The following LZTS2 variants were observed in gnomAD, a reference collection of about 807,000 sequenced individuals.
LZTS2 encodes the protein leucine zipper tumor suppressor 2, also known as leucine zipper putative tumor suppressor 2.
LZTS2 carries 32 observed loss-of-function variants against 60.6 expected under a neutral mutation model. The observed-to-expected ratio is 0.53, with a 90% CI of 0.40 to 0.71. LZTS2 has a LOEUF of 0.71. Ranked by LOEUF, LZTS2 falls within the 30% of genes least tolerant of loss-of-function variation. The pLI is 0.00. For missense variants in LZTS2, 792 were observed against 901.9 expected (o/e 0.88, Z 1.56); for synonymous variants, 360 against 393.1 (o/e 0.92, Z 1.00).
chr10:101,002,829 A>C lies in LZTS2; in HGVS notation c.291A>C (p.Thr97=), dbSNP rs779162888. 4 of 1,613,768 alleles carry C rather than the reference A, an allele frequency of 2.5e-6. No individual in the cohort carries two copies. The African/African-American group carries it at 5.3e-5, about 22-fold the overall frequency. Residue 97 remains threonine, a synonymous_variant, in exon 1 of 4, where the codon ACA becomes ACC. Coordinates refer to ENST00000370220, the Ensembl canonical transcript of LZTS2. Reference sequence around the variant, plus strand: ...CCTACATCAATGAGGACTTCCGGACAGAGTCACCCCCCAGCCCAAGCAGTG... The same window carrying C: ...CCTACATCAATGAGGACTTCCGGACCGAGTCACCCCCCAGCCCAAGCAGTG...
upstream of LZTS2, chr10:100,997,087 C>G (rs572141466): frequency 6.5e-6 from 1 of 152,672 alleles, no homozygotes; most frequent in East Asian, 1.9e-4. Flanking sequence ...TCGGGCCAGG[C>G]GGGCGCCGGG....
At chr10:100,996,664 A>G (rs1005359449), upstream of LZTS2, 1 of 152,384 alleles carries the variant, frequency 6.6e-6, no homozygotes, top group Admixed American at 6.5e-5. Context: ...GGGCAGCCCC[A>G]CGCTGAGGTG....
exon 4 of LZTS2, chr10:101,007,466 A>T: frequency 6.9e-7 from 1 of 1,443,932 alleles, no homozygotes; most frequent in Non-Finnish European, 9.2e-7. Flanking sequence ...AGGCGCTTCC[A>T]GCCCACTCCA....
chr10:101,006,222 C>T (rs1852187974), intron 3 of LZTS2, among the ~76,000 whole-genome samples: 2 of 152,226 alleles, frequency 1.3e-5, no homozygotes, highest in Admixed American at 1.3e-4. Context: ...TCCCCAGTCC[C>T]CAGGGCTTGG....
upstream of LZTS2, chr10:100,998,390 T>A (rs1851957445): frequency 6.6e-6 from 1 of 152,602 alleles, no homozygotes; most frequent in African/African-American, 2.4e-5. Context: ...CAGTCTGTTC[T>A]TGTGAGGCTG....
At chr10:101,005,476 C>A in exon 3 of LZTS2, 1 of 1,569,068 alleles carries the variant, frequency 6.4e-7, no homozygotes, top group African/African-American at 1.3e-5. Context: ...GGAGCGGCAG[C>A]GGCACTGGCA....
chr10:101,006,572 G>A, exon 4 of LZTS2: 2 of 1,611,040 alleles, frequency 1.2e-6, no homozygotes, highest in Non-Finnish European at 1.7e-6. Flanking sequence ...CAGCGAGCTG[G>A]TGGCTCTGCG....
chr10:101,007,658 G>A, exon 4 of LZTS2: 2 of 1,112,322 alleles, frequency 1.8e-6, no homozygotes, highest in Non-Finnish European at 1.1e-6. Context: ...GAGTGAGGGG[G>A]CTGAAGTCAG....
At chr10:100,997,714 A>G (rs943621510), upstream of LZTS2, among the ~76,000 whole-genome samples, 2 of 152,216 alleles carry the variant, frequency 1.3e-5, no homozygotes, top group African/African-American at 4.8e-5. Context: ...TCCGCAGACC[A>G]GTGGCCTGTG....
intron 1 of LZTS2, 63 bp downstream of exon 2, chr10:101,003,009 A>G: frequency 6.6e-7 from 1 of 1,522,184 alleles, no homozygotes; most frequent in Non-Finnish European, 8.8e-7. Flanking sequence ...GGAAACTGGA[A>G]TTTAGAAGCT....
upstream of LZTS2, among the ~76,000 whole-genome samples, chr10:100,997,487 C>CAGTT (rs1476956017): frequency 6.6e-6 from 1 of 152,206 alleles, no homozygotes. Context: ...AGGACGCGCC[C>CAGTT]AGTTGGCCAC....
intron 1 of LZTS2, 85 bp from the exon 3 acceptor site, chr10:101,003,422 C>A: frequency 7.1e-7 from 1 of 1,408,914 alleles, no homozygotes; most frequent in African/African-American, 1.4e-5. Flanking sequence ...GCACTGGGGA[C>A]CCAAGACGGG....
At position 101,002,959 on chromosome 10, in the gene LZTS2, T is replaced by C; in HGVS notation, c.408+13T>C. 1.2e-6 allele frequency: 2 copies of C among 1,600,600 alleles called. No individual in the cohort carries two copies. The highest frequency in any genetic ancestry group is 2.2e-5 in the East Asian group (1 of 44,738). On this transcript the variant is annotated intron_variant, in intron 1 of 3. Coordinates refer to ENST00000370220, the Ensembl canonical transcript of LZTS2. ...AAAGCTGGAGAAGGTGAGGACCGGC[T>C]CTTCCTTGTGGGCCTGGGTAGAACG...
At position 101,007,099 on chromosome 10, in the gene LZTS2, C is replaced by A. The variant is rs778210265; in HGVS notation, c.1941C>A (p.Leu647=). 1.9e-6 allele frequency: 3 copies of A among 1,611,220 alleles called. No individual in the cohort carries two copies. The Admixed American group carries it at 5.0e-5, about 27-fold the overall frequency. ...GCCTGGAGCTGGAGGCCCGGGAGCT[C>A]GCTGACCTGGGCCTGGCCGAGCAGG... Residue 647 remains leucine, a synonymous_variant, in exon 4 of 4, where the codon CTC becomes CTA. Transcript: ENST00000370220.
At chr10:100,996,815 G>A (rs923952022), upstream of LZTS2, 3 of 152,320 alleles carry the variant, frequency 2.0e-5, no homozygotes, top group Non-Finnish European at 2.9e-5. Flanking sequence ...GAGGGTGGCA[G>A]AGTCAAGCTC....
In LZTS2 at chr10:101,003,388, G is replaced by A. The variant is rs551995858; in HGVS notation, c.409-119G>A. ...ACACTGGTGGCCACCTCCACCAGTG[G>A]CCGCAATTGTTATGAATATATGGGC... On this transcript the variant is annotated intron_variant, in intron 1 of 3. Coordinates refer to ENST00000370220, the Ensembl canonical transcript of LZTS2. 128 of 1,073,160 alleles carry A rather than the reference G, an allele frequency of 1.2e-4. No homozygotes were observed. The South Asian group carries it at 2.5e-3, about 21-fold the overall frequency. The allele number at this position is 1,073,160 out of a possible 1,614,324, so 66.5% of individuals were successfully genotyped here.
At chr10:101,007,108 G>A in exon 4 of LZTS2, 1 of 1,610,914 alleles carries the variant, frequency 6.2e-7, no homozygotes, top group Non-Finnish European at 8.5e-7. Flanking sequence ...TCGCTGACCT[G>A]GGCCTGGCCG....
In LZTS2 at chr10:101,004,160, G is replaced by A. The variant is rs200526291; in HGVS notation, c.1062G>A (p.Met354Ile). ...GTCTGGACGAGAATGAGGCTACCAT[G>A]TGCCAGGTGTGGTCAGAGGCAATGA... Residue 354 changes from methionine to isoleucine, a missense_variant, in exon 2 of 4, where the codon ATG becomes ATA. Coordinates refer to ENST00000370220, the Ensembl canonical transcript of LZTS2. 8 of 1,597,356 alleles carry A rather than the reference G, an allele frequency of 5.0e-6. No homozygotes were observed. In the African/African-American group the frequency reaches 8.0e-5, roughly 16 times the overall value.
intron 1 of LZTS2, 73 bp downstream of exon 2, chr10:101,003,019 T>C (rs1347824227): frequency 3.3e-6 from 5 of 1,498,302 alleles, no homozygotes; most frequent in Non-Finnish European, 4.4e-6. Context: ...ATTTAGAAGC[T>C]TATATAGAGG....
Sources: gnomAD v4.1 joint callset for allele counts (sites outside exome capture counted in the v4.1 genomes callset) on GRCh38, gnomAD v4.1.1 for gene constraint, MANE v1.5 for transcripts, NCBI Gene and HGNC (gene_info 2026-07-23, HGNC 2026-07-21) for gene names.